TMEM87A: variants seen among roughly 807,000 people sequenced by gnomAD.
TMEM87A encodes the protein transmembrane protein 87A.
A neutral mutation model predicts 90.0 loss-of-function variants in TMEM87A; 50 were observed. That is an observed-to-expected ratio of 0.56 (90% CI 0.44 to 0.70). The LOEUF (loss-of-function observed/expected upper bound fraction) is 0.70, where lower values mean the gene tolerates loss of function less well. Ranked by LOEUF, TMEM87A falls within the 30% of genes least tolerant of loss-of-function variation. The probability of loss-of-function intolerance (pLI) is 0.00; values close to 1 mark genes in which losing one functional copy is unlikely to be tolerated. For synonymous variants in TMEM87A, 226 were observed against 226.7 expected (o/e 1.00, Z 0.03); for missense variants, 577 against 660.5 (o/e 0.87, Z 1.39).
chr15:42,226,812 T>C lies in TMEM87A; in HGVS notation c.1397A>G (p.Asn466Ser), dbSNP rs772984430. Residue 466 changes from asparagine to serine, a missense_variant, in exon 15 of 20, where the codon AAC becomes AGC. Transcript: ENST00000389834. ...IMVLWRPSAN[N>S]QRFAFSPLSE... is the part of the protein sequence containing the mutation. ...AACAGAAGAGTCCAAGAACCTCTGG[T>C]TGTTTGCAGATGGTCGCCAGAGAAC... 12 of 1,613,790 alleles carry C rather than the reference T, an allele frequency of 7.4e-6. No homozygotes were observed. The African/African-American group carries it at 1.5e-4, about 20-fold the overall frequency.
At chr15:42,227,870 C>A in intron 13 of TMEM87A, 101 bp from the exon 14 acceptor site, 1 of 928,000 alleles carries the variant, frequency 1.1e-6, no homozygotes, top group Admixed American at 1.9e-5. Context: ...ACACCCCGAA[C>A]CCCCAAATAC....
intron 8 of TMEM87A, among the ~76,000 whole-genome samples, chr15:42,239,360 G>A (rs1270845661): frequency 6.6e-6 from 1 of 152,112 alleles, no homozygotes; most frequent in African/African-American, 2.4e-5. Context: ...TAATGTAAGT[G>A]GGATCAGAAA....
intron 19 of TMEM87A, among the ~76,000 whole-genome samples, chr15:42,213,235 G>C (rs548998515): frequency 4.6e-5 from 7 of 152,344 alleles, no homozygotes; most frequent in Admixed American, 4.6e-4. Context: ...GAACCTGCAC[G>C]AGAGACTGTT....
chr15:42,271,832 C>T (rs2062853139), intron 2 of TMEM87A, among the ~76,000 whole-genome samples: 1 of 150,582 alleles, frequency 6.6e-6, no homozygotes, highest in Admixed American at 6.6e-5. Flanking sequence ...TATATAATGT[C>T]TACATAGTGT....
At chr15:42,224,578 G>C (rs1351830115) in intron 15 of TMEM87A, 2 of 152,190 alleles carry the variant, frequency 1.3e-5, no homozygotes, top group African/African-American at 4.8e-5. Flanking sequence ...ACTGTACGCT[G>C]CATCCCATGA....
intron 6 of TMEM87A, among the ~76,000 whole-genome samples, chr15:42,246,114 A>T (rs1336082292): frequency 6.6e-6 from 1 of 152,168 alleles, no homozygotes; most frequent in Non-Finnish European, 1.5e-5. Context: ...CCATGGAGTC[A>T]TCTATTACGG....
chr15:42,219,549 A>G, intron 17 of TMEM87A, 32 bp downstream of exon 17: 1 of 1,553,038 alleles, frequency 6.4e-7, no homozygotes, highest in Non-Finnish European at 8.8e-7. Flanking sequence ...GATGGGACAA[A>G]GAACAAAGAC....
chr15:42,233,042 C>T, intron 11 of TMEM87A, 171 bp downstream of exon 11: 1 of 444,302 alleles, frequency 2.3e-6, no homozygotes, highest in East Asian at 3.6e-5. Flanking sequence ...ATTTACAAAG[C>T]TCTAATAGAT....
chr15:42,219,615 T>C lies in TMEM87A; in HGVS notation c.1505A>G (p.Gln502Arg). The change falls in exon 17 of 20, where the codon CAA becomes CGA. Residue 502 changes from glutamine to arginine, a missense_variant. Physicochemically the swap from Gln to Arg is conservative, Grantham distance 43 (BLOSUM62 1). Coordinates refer to ENST00000389834, the MANE Select transcript of TMEM87A (RefSeq NM_015497.5). ...FEGMKMRSTK[Q>R]EPNGNSKVNK... Reference sequence around the variant, plus strand: ...AACTTTACTATTTCCATTGGGTTCTTGTTTGGTACTTCTCATTTTCATTCC... The same window carrying C: ...AACTTTACTATTTCCATTGGGTTCTCGTTTGGTACTTCTCATTTTCATTCC... The C allele has an allele frequency of 6.2e-7, 1 of 1,600,968 alleles. No homozygotes were observed. The highest frequency in any genetic ancestry group is 8.5e-7 in the Non-Finnish European group (1 of 1,172,920).
At chr15:42,259,542 T>C (rs745980269) in intron 6 of TMEM87A, among the ~76,000 whole-genome samples, 5 of 152,132 alleles carry the variant, frequency 3.3e-5, no homozygotes, top group Admixed American at 6.5e-5. Context: ...GTCAAAAACA[T>C]TGAACAGCAA....
intron 6 of TMEM87A, among the ~76,000 whole-genome samples, chr15:42,249,312 G>A (rs2051040623): frequency 6.6e-6 from 1 of 152,110 alleles, no homozygotes; most frequent in African/African-American, 2.4e-5. Flanking sequence ...GTTATTTCTT[G>A]TCTTCTAGTA....
At chr15:42,212,004 C>T (rs1712406) in intron 19 of TMEM87A, among the ~76,000 whole-genome samples, 11,971 of 152,092 alleles carry the variant, frequency 0.079, 1,271 homozygotes, top group African/African-American at 0.22. Flanking sequence ...ATAGAGTCAG[C>T]TAAGATCTTA....
chr15:42,252,930 G>C lies in TMEM87A; in HGVS notation c.504+8028C>G, dbSNP rs556773429. ...AAACCACAATCTGCCCCCTCCTTGG[G>C]GTTTGTTAGCTGGTAATAATAATAT... On this transcript the variant is annotated intron_variant, in intron 6 of 19. Coordinates refer to ENST00000389834, the MANE Select transcript of TMEM87A (RefSeq NM_015497.5). Among the ~76,000 whole-genome samples the C allele has an allele frequency of 2.6e-5, 4 of 152,156 alleles. No homozygotes were observed. In the South Asian group the frequency reaches 8.3e-4, roughly 32 times the overall value.
At chr15:42,226,754 T>A (rs1293184997) in intron 15 of TMEM87A, 52 bp downstream of exon 15, 6 of 1,499,672 alleles carry the variant, frequency 4.0e-6, no homozygotes, top group Non-Finnish European at 5.6e-6. Flanking sequence ...CCACCCCTAA[T>A]TGATGACATG....
intron 6 of TMEM87A, among the ~76,000 whole-genome samples, chr15:42,256,893 T>C (rs2051195044): frequency 6.6e-6 from 1 of 152,134 alleles, no homozygotes; most frequent in Non-Finnish European, 1.5e-5. Context: ...AATTTTTCCA[T>C]TTTTTGTAGA....
chr15:42,260,791 CA>C (rs1385260620), intron 6 of TMEM87A, among the ~76,000 whole-genome samples, 166 bp downstream of exon 6: 1 of 152,158 alleles, frequency 6.6e-6, no homozygotes, highest in Non-Finnish European at 1.5e-5. Flanking sequence ...AAAAATCACT[CA>C]TACTATCATC....
intron 6 of TMEM87A, among the ~76,000 whole-genome samples, chr15:42,248,221 T>C (rs1004143861): frequency 6.6e-6 from 1 of 152,162 alleles, no homozygotes; most frequent in Middle Eastern, 3.4e-3. Context: ...AATCATGTCA[T>C]CTGCAAACAG....
In TMEM87A at chr15:42,261,013, TA is replaced by T. The variant is rs570376075; in HGVS notation, c.460-12del. 2.7e-4 allele frequency: 426 copies of T among 1,571,070 alleles called. 1 individual carries two copies. In the African/African-American group the frequency reaches 3.3e-3, roughly 12 times the overall value. ...TCCATTCTCCTTAGCCTTTAAACAT[TA>T]AAAAAATAATAATAATTAATTCAGA... On this transcript the variant is annotated splice_polypyrimidine_tract_variant and intron_variant, in intron 5 of 19. Coordinates refer to ENST00000389834, the MANE Select transcript of TMEM87A (RefSeq NM_015497.5).
chr15:42,259,052 A>G (rs1478071374), intron 6 of TMEM87A: 4 of 711,268 alleles, frequency 5.6e-6, no homozygotes, highest in East Asian at 2.7e-5. Context: ...CTCTCTCCCA[A>G]GCTCCTTAAA....
Sources: allele counts gnomAD v4.1 joint callset (sites outside exome capture counted in the v4.1 genomes callset), GRCh38; gene constraint gnomAD v4.1.1; transcripts MANE v1.5; gene names NCBI Gene and HGNC (gene_info 2026-07-23, HGNC 2026-07-21).